Variants in PKN2 observed in about 807,000 individuals in gnomAD.
PKN2 encodes the protein protein kinase N2.
PKN2 carries 38 observed loss-of-function variants against 119.1 expected under a neutral mutation model. The observed-to-expected ratio is 0.32, with a 90% CI of 0.25 to 0.42. The LOEUF is 0.42. PKN2 is among the 10% of genes least tolerant of loss of function. The pLI, the probability that PKN2 is intolerant of heterozygous loss-of-function variation, is 1.00. For missense variants in PKN2, 850 were observed against 1,165.1 expected (o/e 0.73, Z 3.94); for synonymous variants, 390 against 384.9 (o/e 1.01, Z -0.15).
At chr1:88,829,304 C>T in intron 19 of PKN2, 1 of 607,520 alleles carries the variant, frequency 1.6e-6, no homozygotes, top group South Asian at 1.7e-5. Flanking sequence ...GATACCTTCA[C>T]ATGTGCTATC....
chr1:88,807,670 T>C lies in PKN2; in HGVS notation c.2011-14T>C. 1 of 1,569,972 alleles carries C rather than the reference T, an allele frequency of 6.4e-7. No individual in the cohort carries two copies. The highest frequency in any genetic ancestry group is 1.2e-5 in the South Asian group (1 of 85,800). On this transcript the variant is annotated splice_polypyrimidine_tract_variant and intron_variant, in intron 14 of 21. Coordinates refer to ENST00000370521, the MANE Select transcript of PKN2 (RefSeq NM_006256.4). ...TAACTCAAGTGGAAAATAATTATTT[T>C]AATTTTATTTCAGGTGCTTTTAGCT...
intron 3 of PKN2, among the ~76,000 whole-genome samples, chr1:88,768,557 T>G (rs552037966): frequency 6.6e-6 from 1 of 152,346 alleles, no homozygotes; most frequent in East Asian, 1.9e-4. Flanking sequence ...GGACAATCTC[T>G]GTATTTTAAG....
In PKN2 at chr1:88,741,306, T is replaced by C. The variant is rs769465915; in HGVS notation, c.349+18T>C. 1.4e-6 allele frequency: 2 copies of C among 1,451,382 alleles called. No homozygotes were observed. Among genetic ancestry groups the C allele is most frequent in the African/African-American group, 2.9e-5 (2 of 69,414 alleles). 89.9% of individuals were successfully genotyped at this position (1,451,382 alleles called of 1,614,324 possible). On this transcript the variant is annotated intron_variant, in intron 2 of 21. Coordinates refer to ENST00000370521, the MANE Select transcript of PKN2 (RefSeq NM_006256.4). ...TATTACAGGTATAGTAGTGCTTTAT[T>C]TGATGTTTATATGGTATATTAATAA...
intron 1 of PKN2, among the ~76,000 whole-genome samples, chr1:88,739,457 T>A (rs1668491295): frequency 1.3e-5 from 2 of 152,194 alleles, no homozygotes; most frequent in Non-Finnish European, 1.5e-5. Flanking sequence ...GATACATAAT[T>A]TTTAGAAATT....
chr1:88,773,059 A>G lies in PKN2; in HGVS notation c.985+1180A>G, dbSNP rs1669956734. Among the ~76,000 whole-genome samples the G allele has an allele frequency of 2.0e-5, 3 of 152,036 alleles. No individual in the cohort carries two copies. In the South Asian group the frequency reaches 6.2e-4, roughly 31 times the overall value. On this transcript the variant is annotated intron_variant, in intron 6 of 21. Transcript: ENST00000370521. ...CCTTTACCTTTACCTTAACTCCTTT[A>G]TAATGTCCTTCTTTGTCTCCTATAA...
At chr1:88,815,287 G>A (rs1014475072) in intron 16 of PKN2, 1 of 175,810 alleles carries the variant, frequency 5.7e-6, no homozygotes, top group African/African-American at 2.4e-5. Context: ...ATACAATGCT[G>A]CATTACAGAA....
chr1:88,732,361 A>G (rs1347035993), intron 1 of PKN2, among the ~76,000 whole-genome samples: 3 of 152,172 alleles, frequency 2.0e-5, no homozygotes, highest in African/African-American at 4.8e-5. Flanking sequence ...CTTTCCCTCT[A>G]TTTTTAAAGT....
chr1:88,749,628 C>T (rs1330770211), intron 2 of PKN2, among the ~76,000 whole-genome samples: 1 of 152,078 alleles, frequency 6.6e-6, no homozygotes, highest in Non-Finnish European at 1.5e-5. Context: ...TTCCAGAGGG[C>T]TGTAAAAGGT....
chr1:88,710,764 A>G (rs1456427172), intron 1 of PKN2, among the ~76,000 whole-genome samples: 1 of 152,238 alleles, frequency 6.6e-6, no homozygotes, highest in Non-Finnish European at 1.5e-5. Flanking sequence ...ACCTAAAGAC[A>G]GAAATACCAT....
intron 16 of PKN2, 83 bp downstream of exon 16, chr1:88,813,816 A>G (rs1671874975): frequency 1.7e-6 from 2 of 1,185,266 alleles, no homozygotes; most frequent in Admixed American, 5.2e-5. Flanking sequence ...TGAATTTTAG[A>G]TTTTTTTTCC....
intron 1 of PKN2, among the ~76,000 whole-genome samples, chr1:88,707,095 CT>C (rs949895266): frequency 4.0e-5 from 6 of 148,220 alleles, no homozygotes; most frequent in Admixed American, 6.8e-5. Flanking sequence ...CTCTCATACA[CT>C]TTTTTTTTTA....
chr1:88,746,696 G>A lies in PKN2; in HGVS notation c.349+5408G>A, dbSNP rs529083985. ...GTATGGCCACTTTGGAAGACAGTGT[G>A]GAGGTTCCTGAGAAAACTAAAAATA... On this transcript the variant is annotated intron_variant, in intron 2 of 21. Coordinates refer to ENST00000370521, the MANE Select transcript of PKN2 (RefSeq NM_006256.4). 9.1e-4 allele frequency among the ~76,000 whole-genome samples: 139 copies of A among 152,214 alleles called. 1 individual carries two copies. The highest frequency in any genetic ancestry group is 2.9e-4 in the Non-Finnish European group (20 of 67,956).
At chr1:88,797,306 C>A (rs1181899359) in intron 8 of PKN2, among the ~76,000 whole-genome samples, 1 of 149,018 alleles carries the variant, frequency 6.7e-6, no homozygotes, top group Non-Finnish European at 1.5e-5. Context: ...TGCACTCCAG[C>A]CTGGGCAACA....
chr1:88,827,630 TTCCCTTCCC>T (rs2100929001), intron 18 of PKN2, among the ~76,000 whole-genome samples: 1 of 119,004 alleles, frequency 8.4e-6, no homozygotes, highest in Admixed American at 8.9e-5. Flanking sequence ...TTCCCTTCCC[TTCCCTTCCC>T]TCCCCTCTTC....
Position 88,729,541 on chromosome 1 carries a change from A to T in PKN2, c.49-11447A>T, listed in dbSNP as rs144822925. Among the ~76,000 whole-genome samples, 1,287 of 152,242 alleles carry T rather than the reference A, an allele frequency of 8.5e-3. 19 individuals are homozygous for T. Among genetic ancestry groups the T allele is most frequent in the African/African-American group, 0.03 (1,231 of 41,536 alleles). ...TCTCATACACATGGCCTCTTTCCAC[A>T]TGGTTTCTCTCGTCTTCCATGTTGT... On this transcript the variant is annotated intron_variant, in intron 1 of 21. Transcript: ENST00000370521.
chr1:88,784,941 A>T (rs1670512095), intron 7 of PKN2, 117 bp downstream of exon 7: 8 of 494,050 alleles, frequency 1.6e-5, no homozygotes, highest in Admixed American at 4.2e-5. Context: ...TAATTTAATT[A>T]AAAAATATTA....
chr1:88,771,338 A>T, intron 4 of PKN2, 83 bp from the exon 5 acceptor site: 1 of 961,780 alleles, frequency 1.0e-6, no homozygotes, highest in Non-Finnish European at 1.6e-6. Flanking sequence ...TGTTATAGGA[A>T]TTCATTTCTT....
At position 88,807,361 on chromosome 1, in the gene PKN2, C is replaced by T. The variant is rs1423339098; in HGVS notation, c.1852C>T (p.Pro618Ser). The T allele has an allele frequency of 6.9e-6, 11 of 1,594,960 alleles. No homozygotes were observed. The highest frequency in any genetic ancestry group is 8.6e-6 in the Non-Finnish European group (10 of 1,164,714). Reference sequence around the variant, plus strand: ...TCAGAATGACAGAAATAGTATACTTCCAAAATCTCAATCTGAATACAAGCC... The same window carrying T: ...TCAGAATGACAGAAATAGTATACTTTCAAAATCTCAATCTGAATACAAGCC... ...DIQNDRNSIL[P>S]KSQSEYKPDT... is the part of the protein sequence containing the mutation. Residue 618 changes from proline to serine, a missense_variant, in exon 13 of 22, where the codon CCA becomes TCA. Pro to Ser is a moderately conservative substitution (Grantham distance 74). Transcript: ENST00000370521.
At position 88,741,250 on chromosome 1, in the gene PKN2, A is replaced by G. The variant is rs766629280; in HGVS notation, c.311A>G (p.Asn104Ser). The change falls in exon 2 of 22, where the codon AAT (asparagine) becomes AGT (serine). Residue 104 changes from asparagine to serine, a missense_variant. Physicochemically the swap from Asn to Ser is conservative, Grantham distance 46 (BLOSUM62 1). Around this residue, in one of 9 missense-constraint regions of PKN2, gnomAD observed 350 missense variants for 511.1 expected, o/e 0.68. Transcript: ENST00000370521. Reference sequence around the variant, plus strand: ...CTACATCACAAGCTGCAGGAATTAAATGCACATATTGTTGTATCAGATCCA... The same window carrying G: ...CTACATCACAAGCTGCAGGAATTAAGTGCACATATTGTTGTATCAGATCCA... ...EELHHKLQEL[N>S]AHIVVSDPED... The G allele has an allele frequency of 1.9e-6, 3 of 1,597,002 alleles. No homozygotes were observed. Among genetic ancestry groups the G allele is most frequent in the East Asian group, 2.2e-5 (1 of 44,706 alleles).
Sources: allele counts gnomAD v4.1 joint callset (sites outside exome capture counted in the v4.1 genomes callset), GRCh38; gene constraint gnomAD v4.1.1; regional missense constraint gnomAD v4.1.1; transcripts MANE v1.5; gene names NCBI Gene and HGNC (gene_info 2026-07-23, HGNC 2026-07-21).